The following EIF2AK2 variants were observed in gnomAD, a reference collection of about 807,000 sequenced individuals.
EIF2AK2 encodes the protein eukaryotic translation initiation factor 2 alpha kinase 2.
Under a neutral mutation model 70.5 loss-of-function variants are expected in EIF2AK2, and 40 were observed. That is an observed-to-expected ratio of 0.57 (90% confidence interval 0.44 to 0.74). The LOEUF is 0.74. EIF2AK2 is among the 30% of genes least tolerant of loss of function. The probability of loss-of-function intolerance (pLI) is 0.00; values close to 1 mark genes in which losing one functional copy is unlikely to be tolerated. For missense variants in EIF2AK2, 555 were observed against 644.3 expected (o/e 0.86, Z 1.50); for synonymous variants, 198 against 220.9 (o/e 0.90, Z 0.92).
At chr2:37,153,777 G>A (rs1375110582) in intron 1 of EIF2AK2, among the ~76,000 whole-genome samples, 3 of 152,110 alleles carry the variant, frequency 2.0e-5, no homozygotes, top group African/African-American at 7.2e-5. Context: ...CTTGAATCAT[G>A]CTGCTGTGAA....
chr2:37,099,825 T>A lies in EIF2AK2; in HGVS notation c.*7448A>T, dbSNP rs960399806. ...CATATGATAGAATATTATTTGGCAA[T>A]AAAAAGGAATGAGATGCTGATTCAT... On this transcript the variant is annotated 3_prime_UTR_variant, in exon 17 of 17. Coordinates refer to ENST00000233057, the MANE Select transcript of EIF2AK2 (RefSeq NM_001135651.3). 3.9e-5 allele frequency: 6 copies of A among 152,074 alleles called. No homozygotes were observed. Among genetic ancestry groups the A allele is most frequent in the Non-Finnish European group, 8.8e-5 (6 of 68,012 alleles). The allele number at this position is 152,074 out of a possible 1,614,324, so 9.4% of individuals were successfully genotyped here.
At chr2:37,140,173 G>T (rs1170696485) in intron 5 of EIF2AK2, among the ~76,000 whole-genome samples, 1 of 152,156 alleles carries the variant, frequency 6.6e-6, no homozygotes, top group Non-Finnish European at 1.5e-5. Flanking sequence ...CACAGGAGAA[G>T]CTATGAGGTT....
intron 1 of EIF2AK2, among the ~76,000 whole-genome samples, chr2:37,152,423 G>A (rs1298935709): frequency 6.6e-6 from 1 of 152,012 alleles, no homozygotes; most frequent in Non-Finnish European, 1.5e-5. Context: ...CTGGGACTAT[G>A]GGACTACAGG....
intron 8 of EIF2AK2, among the ~76,000 whole-genome samples, chr2:37,137,908 C>T (rs533003303): frequency 2.0e-5 from 3 of 152,088 alleles, no homozygotes; most frequent in Non-Finnish European, 2.9e-5. Flanking sequence ...GTCAGGAGTT[C>T]GAGACCAGCC....
intron 4 of EIF2AK2, 148 bp downstream of exon 4, chr2:37,146,705 T>C: frequency 1.0e-6 from 1 of 965,912 alleles, no homozygotes; most frequent in Non-Finnish European, 1.5e-6. Context: ...TTCATAGAAA[T>C]GAAGATAGGG....
At chr2:37,116,673 A>G (rs1178825060) in intron 13 of EIF2AK2, among the ~76,000 whole-genome samples, 1 of 152,204 alleles carries the variant, frequency 6.6e-6, no homozygotes, top group Non-Finnish European at 1.5e-5. Context: ...GGAGCCTAAC[A>G]CCAGTAATAC....
At chr2:37,111,422 G>A (rs578168529) in intron 14 of EIF2AK2, among the ~76,000 whole-genome samples, 9 of 144,234 alleles carry the variant, frequency 6.2e-5, no homozygotes, top group Admixed American at 5.6e-4. Context: ...TTCTTCAGAT[G>A]GAGTCTCATT....
chr2:37,111,921 A>ATC (rs71396206), intron 14 of EIF2AK2, among the ~76,000 whole-genome samples: 30,727 of 107,558 alleles, frequency 0.29, 4,758 homozygotes, highest in Non-Finnish European at 0.35. Context: ...ATCATAATAA[A>ATC]TCTCTCTCTC....
intron 1 of EIF2AK2, among the ~76,000 whole-genome samples, chr2:37,152,714 T>C (rs1675789193): frequency 6.6e-6 from 1 of 152,244 alleles, no homozygotes; most frequent in South Asian, 2.1e-4. Flanking sequence ...TGATCATCTA[T>C]ACGCCATTAC....
rs1473810680 is a variant in EIF2AK2, at chr2:37,101,543, G to C, written c.*5730C>G. On this transcript the variant is annotated 3_prime_UTR_variant, in exon 17 of 17. Coordinates refer to ENST00000233057, the MANE Select transcript of EIF2AK2 (RefSeq NM_001135651.3). ...TCATGTTCCTCCTGAAATGATGTAA[G>C]AGAAAGTGTATAGCATCACCTATGG... The C allele has an allele frequency of 6.6e-6, 1 of 152,178 alleles. No individual in the cohort carries two copies. Among genetic ancestry groups the C allele is most frequent in the Non-Finnish European group, 1.5e-5 (1 of 68,036 alleles). The allele number at this position is 152,178 out of a possible 1,614,324, so 9.4% of individuals were successfully genotyped here. A position where few individuals can be genotyped will look rare whatever the true frequency, so the allele number is the denominator to read the frequency against.
chr2:37,130,161 G>A (rs1238971853), intron 10 of EIF2AK2, among the ~76,000 whole-genome samples: 3 of 152,076 alleles, frequency 2.0e-5, no homozygotes, highest in Admixed American at 2.0e-4. Context: ...GAGCTCAATG[G>A]CGCAATCTTG....
At chr2:37,120,859 G>A (rs1298955019) in intron 12 of EIF2AK2, among the ~76,000 whole-genome samples, 5 of 149,212 alleles carry the variant, frequency 3.4e-5, no homozygotes, top group African/African-American at 7.3e-5. Context: ...AGCTACTCGG[G>A]AGGATGAGGC....
intron 14 of EIF2AK2, among the ~76,000 whole-genome samples, chr2:37,113,893 TTA>T (rs1177361651): frequency 6.6e-6 from 1 of 152,140 alleles, no homozygotes; most frequent in African/African-American, 2.4e-5. Flanking sequence ...AGAATGACAA[TTA>T]AACAGCAATT....
chr2:37,127,765 C>G (rs1229513855), intron 10 of EIF2AK2, among the ~76,000 whole-genome samples: 1 of 140,300 alleles, frequency 7.1e-6, no homozygotes, highest in Non-Finnish European at 1.5e-5. Flanking sequence ...TTTTTTGAGA[C>G]AGAGTCTCGT....
intron 2 of EIF2AK2, among the ~76,000 whole-genome samples, chr2:37,148,048 G>A (rs1369107250): frequency 1.3e-5 from 2 of 152,090 alleles, no homozygotes; most frequent in Non-Finnish European, 2.9e-5. Flanking sequence ...AACTCAACTT[G>A]GCCAGGTGTG....
intron 10 of EIF2AK2, among the ~76,000 whole-genome samples, chr2:37,133,736 C>T (rs1035146527): frequency 2.6e-5 from 4 of 152,234 alleles, no homozygotes; most frequent in Admixed American, 1.3e-4. Flanking sequence ...ATGTCTCTTT[C>T]TCTCCCAAAC....
intron 4 of EIF2AK2, among the ~76,000 whole-genome samples, chr2:37,145,493 A>C (rs1189214669): frequency 1.3e-5 from 2 of 152,122 alleles, no homozygotes; most frequent in African/African-American, 4.8e-5. Flanking sequence ...AAATGTTAAA[A>C]ATAAGAAGTT....
intron 4 of EIF2AK2, among the ~76,000 whole-genome samples, chr2:37,142,353 G>C (rs115377535): frequency 0.012 from 1,752 of 152,036 alleles, 27 homozygotes; most frequent in African/African-American, 0.04. Context: ...GGCTGTTCTC[G>C]AACTCCTAAG....
Position 37,141,658 on chromosome 2 carries a change from C to T in EIF2AK2, c.284G>A (p.Gly95Glu). 2 of 1,613,730 alleles carry T rather than the reference C, an allele frequency of 1.2e-6. No individual in the cohort carries two copies. Among genetic ancestry groups the T allele is most frequent in the Non-Finnish European group, 1.7e-6 (2 of 1,179,900 alleles). ...LLLTTTNSSE[G>E]LSMGNYIGLI... Reference sequence around the variant, plus strand: ...GCCTATGTAATTCCCCATGGATAATCCTTCTGAAGAATTCGTTGTTGTCAA... The same window carrying T: ...GCCTATGTAATTCCCCATGGATAATTCTTCTGAAGAATTCGTTGTTGTCAA... Residue 95 changes from glycine (G) to glutamate (E), a missense_variant, in exon 5 of 17, where the codon GGA becomes GAA. Physicochemically the swap from Gly to Glu is moderately conservative, Grantham distance 98. This residue lies in a region of EIF2AK2 where 208 missense variants were observed against 191.8 expected (regional missense o/e 1.08). Coordinates refer to ENST00000233057, the MANE Select transcript of EIF2AK2 (RefSeq NM_001135651.3).
Sources: allele counts gnomAD v4.1 joint callset (sites outside exome capture counted in the v4.1 genomes callset), GRCh38; gene constraint gnomAD v4.1.1; regional missense constraint gnomAD v4.1.1; transcripts MANE v1.5; gene names NCBI Gene and HGNC (gene_info 2026-07-23, HGNC 2026-07-21).